The following ABCG1 variants were observed in gnomAD, a reference collection of about 807,000 sequenced individuals.
The protein encoded by ABCG1 is ATP binding cassette subfamily G member 1, also known as ATP-binding cassette sub-family G member 1.
A neutral mutation model predicts 69.2 loss-of-function variants in ABCG1; 29 were observed. The ratio of observed to expected loss-of-function variants is 0.42; its 90% confidence interval spans 0.31 to 0.57. The LOEUF (loss-of-function observed/expected upper bound fraction) is 0.57, where lower values mean the gene tolerates loss of function less well. Among genes scored for constraint, ABCG1 ranks in the 20% least tolerant of loss-of-function variants. The pLI is 0.15. For synonymous variants in ABCG1, 370 were observed against 374.8 expected (o/e 0.99, Z 0.15); for missense variants, 718 against 898.1 (o/e 0.80, Z 2.56).
intron 2 of ABCG1, among the ~76,000 whole-genome samples, chr21:42,226,730 G>T (rs539080191): frequency 6.6e-6 from 1 of 152,286 alleles, no homozygotes; most frequent in East Asian, 1.9e-4. Context: ...AGACAGGTGG[G>T]TTGGGGGAGC....
chr21:42,268,262 G>A (rs1256675309), intron 2 of ABCG1, among the ~76,000 whole-genome samples: 1 of 152,220 alleles, frequency 6.6e-6, no homozygotes, highest in Non-Finnish European at 1.5e-5. Context: ...AGTAGGGCAG[G>A]CGGGGTGGGA....
intron 2 of ABCG1, among the ~76,000 whole-genome samples, chr21:42,228,534 T>A (rs1373502340): frequency 6.6e-6 from 1 of 152,132 alleles, no homozygotes; most frequent in Non-Finnish European, 1.5e-5. Context: ...GAAAGGAAAC[T>A]GAGACAAAGG....
chr21:42,275,517 C>T (rs1175191216), intron 4 of ABCG1, among the ~76,000 whole-genome samples: 1 of 152,190 alleles, frequency 6.6e-6, no homozygotes, highest in Non-Finnish European at 1.5e-5. Flanking sequence ...CCTCTTGATT[C>T]CTGAACAGCT....
At chr21:42,250,903 A>G (rs907337334) in intron 2 of ABCG1, among the ~76,000 whole-genome samples, 2 of 152,186 alleles carry the variant, frequency 1.3e-5, no homozygotes, top group African/African-American at 4.8e-5. Context: ...TCGGCTTGGG[A>G]GAGACCCACC....
upstream of ABCG1, chr21:42,216,246 C>T (rs570353812): frequency 8.8e-5 from 35 of 397,000 alleles, no homozygotes; most frequent in Admixed American, 5.3e-4. Context: ...ATGTCTTTAT[C>T]GGCAGCGTGA....
chr21:42,203,006 T>G (rs1346803961), intron 2 of ABCG1, among the ~76,000 whole-genome samples: 1 of 152,050 alleles, frequency 6.6e-6, no homozygotes, highest in Non-Finnish European at 1.5e-5. Flanking sequence ...AAACCCAGAA[T>G]CACACCCACT....
chr21:42,282,700 A>C (rs1028673178), intron 6 of ABCG1, among the ~76,000 whole-genome samples: 1 of 152,232 alleles, frequency 6.6e-6, no homozygotes, highest in African/African-American at 2.4e-5. Context: ...CATGACACCA[A>C]GTTCCCCGTG....
intron 5 of ABCG1, among the ~76,000 whole-genome samples, chr21:42,279,943 G>C (rs1281934345): frequency 6.6e-6 from 1 of 152,222 alleles, no homozygotes; most frequent in East Asian, 1.9e-4. Context: ...GCCCGGATGA[G>C]AGCCTCCAGC....
upstream of ABCG1, among the ~76,000 whole-genome samples, chr21:42,218,866 G>A (rs972304901): frequency 1.3e-5 from 2 of 152,184 alleles, no homozygotes; most frequent in Non-Finnish European, 2.9e-5. Context: ...GCGTCTGTCC[G>A]GTGTCCCCGC....
At chr21:42,214,197 T>C (rs2067616177), upstream of ABCG1, among the ~76,000 whole-genome samples, 1 of 152,188 alleles carries the variant, frequency 6.6e-6, no homozygotes, top group Non-Finnish European at 1.5e-5. Flanking sequence ...AGGTGATTAG[T>C]TCATGAAGAC....
At chr21:42,244,041 A>G (rs1355021247) in intron 2 of ABCG1, among the ~76,000 whole-genome samples, 3 of 151,812 alleles carry the variant, frequency 2.0e-5, no homozygotes, top group South Asian at 2.1e-4. Context: ...GGATGGTCTC[A>G]ATCTCCTGAC....
intron 2 of ABCG1, among the ~76,000 whole-genome samples, chr21:42,210,183 C>T (rs8131925): frequency 2.0e-5 from 3 of 152,176 alleles, no homozygotes; most frequent in Admixed American, 2.0e-4. Flanking sequence ...GAAGTCCCTG[C>T]GAGAACTCTG....
chr21:42,220,477 A>G (rs545434198), intron 1 of ABCG1, among the ~76,000 whole-genome samples: 8 of 152,316 alleles, frequency 5.3e-5, no homozygotes, highest in Admixed American at 3.9e-4. Context: ...ACTGCATCCT[A>G]TGATTCCAAA....
At chr21:42,270,259 C>CAAAAAAAAAAAA (rs4006345) in intron 2 of ABCG1, among the ~76,000 whole-genome samples, 1 of 87,176 alleles carries the variant, frequency 1.1e-5, no homozygotes, top group Non-Finnish European at 2.1e-5. Flanking sequence ...GACTCAGTCT[C>CAAAAAAAAAAAA]AAAAAAAAAA....
chr21:42,291,271 G>T lies in ABCG1; in HGVS notation c.1494+79G>T, dbSNP rs1210761610. 4.7e-6 allele frequency: 6 copies of T among 1,290,258 alleles called. No individual in the cohort carries two copies. The highest frequency in any genetic ancestry group is 6.6e-6 in the Non-Finnish European group (6 of 905,292). The allele number at this position is 1,290,258 out of a possible 1,614,324, so 79.9% of individuals were successfully genotyped here. On this transcript the variant is annotated intron_variant, in intron 12 of 14. Transcript: ENST00000398449. This position sits in a 1 kb window ranked among gnomAD's most constrained non-coding sequence, Gnocchi z 6.4. ...CCCTTTATATCGAGTAAGAGGACCT[G>T]CCAGGGATGCAGGGTGACATGGCCC...
chr21:42,296,286 A>C lies in ABCG1; in HGVS notation c.1895A>C (p.Glu632Ala). The C allele has an allele frequency of 1.2e-6, 2 of 1,614,150 alleles. No homozygotes were observed. The highest frequency in any genetic ancestry group is 1.7e-6 in the Non-Finnish European group (2 of 1,180,012). ...SEAILRELDV[E>A]NAKLYLDFIV... ...GCCATCCTGCGGGAGCTGGACGTGG[A>C]AAATGCCAAGCTGTACCTGGACTTC... The change falls in exon 15 of 15, where the codon GAA becomes GCA. Residue 632 changes from glutamate (E) to alanine (A), a missense_variant. Coordinates refer to ENST00000398449, the MANE Select transcript of ABCG1 (RefSeq NM_016818.3). The surrounding 1 kb of genome is among the most constrained non-coding windows in gnomAD (Gnocchi z 5.4).
chr21:42,200,196 C>A (rs576201935), intron 1 of ABCG1, among the ~76,000 whole-genome samples: 97 of 152,192 alleles, frequency 6.4e-4, no homozygotes, highest in Non-Finnish European at 1.2e-3. Context: ...TTCAGGTGGG[C>A]CTGTGGCAGG....
In ABCG1 at chr21:42,265,788, G is replaced by C. The variant is rs11701502; in HGVS notation, c.287-5282G>C. 1.1e-3 allele frequency among the ~76,000 whole-genome samples: 168 copies of C among 152,332 alleles called. 1 individual carries two copies. The highest frequency in any genetic ancestry group is 1.9e-3 in the Admixed American group (29 of 15,312). On this transcript the variant is annotated intron_variant, in intron 2 of 14. Transcript: ENST00000398449. The stretch of plus-strand genomic sequence containing the variant: ...CGAGCTGGCTCAGGACCGCAGGCTG[G>C]GATGGCCTGGAGACATTTTTCTCCA...
At chr21:42,278,192 T>C (rs951451168) in intron 5 of ABCG1, among the ~76,000 whole-genome samples, 2 of 152,132 alleles carry the variant, frequency 1.3e-5, no homozygotes, top group African/African-American at 4.8e-5. Context: ...TGGCCCTTCA[T>C]GGGGGCAGAA....
Sources: gnomAD v4.1 joint callset for allele counts (sites outside exome capture counted in the v4.1 genomes callset) on GRCh38, gnomAD v4.1.1 for gene constraint, Gnocchi (gnomAD v3.1) non-coding constraint, MANE v1.5 for transcripts, NCBI Gene and HGNC (gene_info 2026-07-23, HGNC 2026-07-21) for gene names.